GALNT7: variants seen among roughly 807,000 people sequenced by gnomAD.
GALNT7 encodes N-acetylgalactosaminyltransferase 7.
In GALNT7, 60 loss-of-function variants were observed where a neutral mutation model predicts 82.1. That is an observed-to-expected ratio of 0.73 (90% confidence interval 0.59 to 0.91). GALNT7 has a LOEUF of 0.91. Among genes scored for constraint, GALNT7 ranks in the 40% least tolerant of loss-of-function variants. GALNT7 has a pLI of 0.00. For synonymous variants in GALNT7, 243 were observed against 275.1 expected, an observed-to-expected ratio of 0.88 and a Z score of 1.15; for missense variants, 660 against 804.2, an observed-to-expected ratio of 0.82 and a Z score of 2.17.
intron 1 of GALNT7, among the ~76,000 whole-genome samples, chr4:173,205,813 C>T (rs2332658): frequency 0.69 from 104,869 of 151,718 alleles, 38,286 homozygotes; most frequent in East Asian, 0.82. Context: ...CCTATACCTG[C>T]AGAGGCTGGC....
At chr4:173,319,922 TAA>T (rs992888062) in intron 11 of GALNT7, among the ~76,000 whole-genome samples, 4 of 152,086 alleles carry the variant, frequency 2.6e-5, no homozygotes, top group African/African-American at 9.7e-5. Flanking sequence ...TCCTGAAGTG[TAA>T]AAAGGCTTTC....
chr4:173,214,288 T>TA (rs11330286), intron 1 of GALNT7, among the ~76,000 whole-genome samples: 5,169 of 140,446 alleles, frequency 0.037, 196 homozygotes, highest in African/African-American at 0.086. Flanking sequence ...CAAAGCTCTT[T>TA]AAAAAAAAAA....
At chr4:173,269,925 C>G (rs556027266) in intron 2 of GALNT7, among the ~76,000 whole-genome samples, 1 of 152,282 alleles carries the variant, frequency 6.6e-6, no homozygotes, top group African/African-American at 2.4e-5. Context: ...TAGGATGTTT[C>G]ATATCCAGTA....
At chr4:173,269,426 A>G (rs901332073) in intron 2 of GALNT7, among the ~76,000 whole-genome samples, 9 of 152,204 alleles carry the variant, frequency 5.9e-5, no homozygotes, top group African/African-American at 2.2e-4. Flanking sequence ...AATCATGCCA[A>G]GGTGTACCCA....
At chr4:173,181,300 C>T (rs910014060) in intron 1 of GALNT7, among the ~76,000 whole-genome samples, 10 of 152,120 alleles carry the variant, frequency 6.6e-5, no homozygotes, top group African/African-American at 2.4e-4. Context: ...CTGTTGCTCC[C>T]TGTGTGATGG....
chr4:173,232,449 T>C (rs1561165193), intron 1 of GALNT7, among the ~76,000 whole-genome samples: 1 of 152,074 alleles, frequency 6.6e-6, no homozygotes, highest in East Asian at 1.9e-4. Flanking sequence ...TTTTTTTTTT[T>C]AGAGACAGCG....
intron 1 of GALNT7, among the ~76,000 whole-genome samples, chr4:173,234,399 A>C (rs1734142902): frequency 6.6e-6 from 1 of 152,180 alleles, no homozygotes; most frequent in South Asian, 2.1e-4. Flanking sequence ...TCTCCTCTTG[A>C]ATGTTTCAGA....
intron 1 of GALNT7, among the ~76,000 whole-genome samples, chr4:173,206,403 T>G (rs1733099390): frequency 6.6e-6 from 1 of 152,204 alleles, no homozygotes; most frequent in Non-Finnish European, 1.5e-5. Context: ...TAGTTCAGAT[T>G]GATATTTCTC....
chr4:173,200,803 G>A (rs914737946), intron 1 of GALNT7, among the ~76,000 whole-genome samples: 2 of 152,162 alleles, frequency 1.3e-5, no homozygotes, highest in African/African-American at 2.4e-5. Context: ...ATTGTGTTAT[G>A]TGCTGCTTTT....
At chr4:173,191,076 TG>T (rs939167210) in intron 1 of GALNT7, among the ~76,000 whole-genome samples, 3 of 144,496 alleles carry the variant, frequency 2.1e-5, no homozygotes, top group Non-Finnish European at 4.6e-5. Flanking sequence ...AAAAAAAAAA[TG>T]GAAATATTAA....
intron 2 of GALNT7, among the ~76,000 whole-genome samples, chr4:173,256,405 G>A (rs993800375): frequency 3.3e-5 from 5 of 152,156 alleles, no homozygotes; most frequent in African/African-American, 1.2e-4. Context: ...ACTGTCATAC[G>A]AAATGCAAAA....
At chr4:173,211,855 T>C (rs1444539806) in intron 1 of GALNT7, among the ~76,000 whole-genome samples, 1 of 152,244 alleles carries the variant, frequency 6.6e-6, no homozygotes, top group Non-Finnish European at 1.5e-5. Flanking sequence ...ATTATAATTA[T>C]TTTAGTATAT....
chr4:173,310,702 G>A (rs956649498), intron 8 of GALNT7, among the ~76,000 whole-genome samples: 15 of 152,246 alleles, frequency 9.9e-5, no homozygotes, highest in African/African-American at 3.4e-4. Flanking sequence ...TATGAGGTAA[G>A]GACTATATCC....
At chr4:173,303,280 C>T (rs1737022587) in intron 7 of GALNT7, among the ~76,000 whole-genome samples, 2 of 151,688 alleles carry the variant, frequency 1.3e-5, no homozygotes, top group Admixed American at 6.6e-5. Context: ...TTAGTAAGCA[C>T]AGATAAGGGA....
rs1396431144 is a variant in GALNT7 at position 173,169,000 on chromosome 4, G to C, written c.126+39G>C. The C allele has an allele frequency of 1.1e-5, 17 of 1,603,628 alleles. No homozygotes were observed. In the Admixed American group the frequency reaches 1.3e-4, roughly 13 times the overall value. ...CCGGCCCCCTCCGGCGGCAGCGACC[G>C]GCAACTTGTTTTGTTTGCCCGCGTG... On this transcript the variant is annotated intron_variant, in intron 1 of 11. Coordinates refer to ENST00000265000, the MANE Select transcript of GALNT7 (RefSeq NM_017423.3).
intron 2 of GALNT7, among the ~76,000 whole-genome samples, chr4:173,285,287 T>C (rs765382609): frequency 2.6e-5 from 4 of 152,234 alleles, no homozygotes; most frequent in Non-Finnish European, 5.9e-5. Flanking sequence ...TAGCGATTTT[T>C]AACTTTAATG....
At chr4:173,219,468 C>CT (rs1733574025) in intron 1 of GALNT7, among the ~76,000 whole-genome samples, 1 of 152,014 alleles carries the variant, frequency 6.6e-6, no homozygotes, top group Admixed American at 6.6e-5. Flanking sequence ...GTGCAGGTAT[C>CT]TTTTTCTATA....
Position 173,302,918 on chromosome 4 carries a change from G to A in GALNT7, c.1266+754G>A, listed in dbSNP as rs192530585. ...ATTCAGTTGGTGTGCTTAAAAAACC[G>A]TCGGCCAGGCGCTCATGCCTATAAA... On this transcript the variant is annotated intron_variant, in intron 7 of 11. Transcript: ENST00000265000. The surrounding 1 kb of genome is among the most constrained non-coding windows in gnomAD (Gnocchi z 4.2). Among the ~76,000 whole-genome samples the A allele has an allele frequency of 1.3e-3, 194 of 152,278 alleles. No homozygotes were observed. Among genetic ancestry groups the A allele is most frequent in the Middle Eastern group, 3.4e-3 (1 of 294 alleles).
intron 1 of GALNT7, among the ~76,000 whole-genome samples, chr4:173,225,133 T>C (rs944641298): frequency 3.3e-5 from 5 of 151,950 alleles, no homozygotes; most frequent in Non-Finnish European, 7.4e-5. Flanking sequence ...TGTAGGTTTG[T>C]ATTTTTAAAA....
Sources: allele counts gnomAD v4.1 joint callset (sites outside exome capture counted in the v4.1 genomes callset), GRCh38; gene constraint gnomAD v4.1.1; non-coding constraint Gnocchi (gnomAD v3.1); transcripts MANE v1.5; gene names NCBI Gene and HGNC (gene_info 2026-07-23, HGNC 2026-07-21).